EYA4: variants seen among roughly 807,000 people sequenced by gnomAD.
EYA4 encodes the protein protein phosphatase EYA4.
In EYA4, 31 loss-of-function variants were observed where a neutral mutation model predicts 87.9. The ratio of observed to expected loss-of-function variants is 0.35; its 90% CI spans 0.27 to 0.48. The LOEUF (loss-of-function observed/expected upper bound fraction) is 0.48. EYA4 is among the 20% of genes least tolerant of loss of function. The probability of loss-of-function intolerance (pLI) is 0.99; values close to 1 mark genes in which losing one functional copy is unlikely to be tolerated. For missense variants in EYA4, 678 were observed against 761.4 expected, an observed-to-expected ratio of 0.89 and a Z score of 1.29; for synonymous variants, 263 against 270.6, an observed-to-expected ratio of 0.97 and a Z score of 0.28.
intron 3 of EYA4, among the ~76,000 whole-genome samples, chr6:133,422,009 A>C (rs1013736239): frequency 6.6e-6 from 1 of 152,204 alleles, no homozygotes; most frequent in Non-Finnish European, 1.5e-5. Context: ...AAGTTTTAGT[A>C]TCAGTGCTTT....
chr6:133,463,164 T>C (rs374943967), intron 9 of EYA4, among the ~76,000 whole-genome samples: 1 of 152,084 alleles, frequency 6.6e-6, no homozygotes, highest in African/African-American at 2.4e-5. Flanking sequence ...TTGAATTAAC[T>C]CTTTTCTAAG....
At chr6:133,287,752 T>C (rs1439712795) in intron 2 of EYA4, among the ~76,000 whole-genome samples, 1 of 152,194 alleles carries the variant, frequency 6.6e-6, no homozygotes, top group Non-Finnish European at 1.5e-5. Flanking sequence ...ATTAACCAGA[T>C]GGTAGGGAGA....
At chr6:133,382,619 AG>A (rs1786321729) in intron 3 of EYA4, among the ~76,000 whole-genome samples, 178 bp downstream of exon 3, 1 of 152,168 alleles carries the variant, frequency 6.6e-6, no homozygotes, top group South Asian at 2.1e-4. Flanking sequence ...TATTAGTCAA[AG>A]GGACTGTGAT....
intron 1 of EYA4, among the ~76,000 whole-genome samples, chr6:133,269,075 A>G (rs765547426): frequency 9.9e-5 from 15 of 152,130 alleles, no homozygotes; most frequent in African/African-American, 3.6e-4. Flanking sequence ...CCTGGCCAAC[A>G]TGGTGAGACC....
rs968945280 is a variant in EYA4, at chr6:133,525,683, A to G, written c.1839+429A>G. 1.8e-4 allele frequency among the ~76,000 whole-genome samples: 27 copies of G among 152,206 alleles called. 1 individual carries two copies. Among genetic ancestry groups the G allele is most frequent in the African/African-American group, 6.5e-4 (27 of 41,460 alleles). On this transcript the variant is annotated intron_variant, in intron 19 of 19. Coordinates refer to ENST00000355286, the MANE Select transcript of EYA4 (RefSeq NM_004100.5). ...TTAAGCACATGAAATTTAGCAAGAT[A>G]GAGATTAATGAGCTCCATACAAAAG...
chr6:133,385,351 TA>T (rs778274313), intron 3 of EYA4, among the ~76,000 whole-genome samples: 1,274 of 116,450 alleles, frequency 0.011, 45 homozygotes, highest in Middle Eastern at 0.015. Context: ...CATATATATA[TA>T]TTTTTTCTCT....
At chr6:133,441,983 CAG>C (rs1023775209) in intron 3 of EYA4, among the ~76,000 whole-genome samples, 4 of 151,030 alleles carry the variant, frequency 2.6e-5, no homozygotes, top group Admixed American at 2.6e-4. Context: ...CCATATATGA[CAG>C]ATGTATATAT....
intron 1 of EYA4, among the ~76,000 whole-genome samples, chr6:133,273,895 T>C (rs1776943577): frequency 6.6e-6 from 1 of 151,620 alleles, no homozygotes; most frequent in African/African-American, 2.4e-5. Context: ...TTAATTTTCA[T>C]TGTGTGTGTG....
At chr6:133,371,365 C>T (rs915163871) in intron 2 of EYA4, among the ~76,000 whole-genome samples, 3 of 152,134 alleles carry the variant, frequency 2.0e-5, no homozygotes, top group African/African-American at 7.2e-5. Flanking sequence ...TCCAGTTTCC[C>T]ACTTCTTTTC....
intron 2 of EYA4, among the ~76,000 whole-genome samples, chr6:133,304,843 G>A (rs189184927): frequency 5.8e-4 from 88 of 152,226 alleles, no homozygotes; most frequent in African/African-American, 1.6e-3. Flanking sequence ...AGCACTAAAC[G>A]TGAGATAAAT....
chr6:133,349,319 T>C (rs989409681), intron 2 of EYA4, among the ~76,000 whole-genome samples: 3 of 152,326 alleles, frequency 2.0e-5, no homozygotes, highest in Admixed American at 6.5e-5. Context: ...AAATTTTAGT[T>C]TTTTTGTTTT....
At chr6:133,326,122 C>A (rs116205563) in intron 2 of EYA4, among the ~76,000 whole-genome samples, 421 of 152,288 alleles carry the variant, frequency 2.8e-3, no homozygotes, top group African/African-American at 9.7e-3. Flanking sequence ...TCCTGTTCCT[C>A]ACATATGGAG....
chr6:133,296,566 G>C (rs1266897476), intron 2 of EYA4, among the ~76,000 whole-genome samples: 3 of 152,172 alleles, frequency 2.0e-5, no homozygotes. Context: ...GCTGATGGTG[G>C]ATGTGGGGTC....
chr6:133,369,959 C>T (rs1486821357), intron 2 of EYA4, among the ~76,000 whole-genome samples: 1 of 152,068 alleles, frequency 6.6e-6, no homozygotes, highest in Non-Finnish European at 1.5e-5. Context: ...GACATCAAGT[C>T]ATCTTACTAT....
chr6:133,496,190 G>T (rs1797633240), intron 13 of EYA4, among the ~76,000 whole-genome samples: 1 of 152,132 alleles, frequency 6.6e-6, no homozygotes, highest in East Asian at 1.9e-4. Context: ...CATTATTTCT[G>T]GGAGGGGGGA....
At chr6:133,256,786 T>C (rs1178134330) in intron 1 of EYA4, among the ~76,000 whole-genome samples, 1 of 152,080 alleles carries the variant, frequency 6.6e-6, no homozygotes, top group Non-Finnish European at 1.5e-5. Flanking sequence ...TGTTGTTCGA[T>C]TTTTATATGT....
rs903136659 is a variant in EYA4, at chr6:133,466,121, G to A, written c.804+1263G>A. ...GCTCTTTAGAAGGATTCAGTCCTCC[G>A]AAAGAAACAAATATGAAAATAAGAT... is the stretch of plus-strand genomic sequence containing the variant. On this transcript the variant is annotated intron_variant, in intron 10 of 19. Transcript: ENST00000355286. Among the ~76,000 whole-genome samples, 17 of 152,010 alleles carry A rather than the reference G, an allele frequency of 1.1e-4. 1 individual carries two copies. The highest frequency in any genetic ancestry group is 5.3e-4 in the Admixed American group (8 of 15,226).
chr6:133,475,267 A>G (rs147597271), intron 11 of EYA4, among the ~76,000 whole-genome samples: 33 of 152,210 alleles, frequency 2.2e-4, no homozygotes, highest in African/African-American at 7.7e-4. Flanking sequence ...TGGGTATATC[A>G]GATTTTTTAT....
intron 1 of EYA4, among the ~76,000 whole-genome samples, chr6:133,250,635 C>A (rs908166272): frequency 6.6e-6 from 1 of 151,928 alleles, no homozygotes; most frequent in Non-Finnish European, 1.5e-5. Flanking sequence ...GAGTGAGACT[C>A]CATCTCAAAA....
Sources: allele counts gnomAD v4.1 joint callset (sites outside exome capture counted in the v4.1 genomes callset), GRCh38; gene constraint gnomAD v4.1.1; transcripts MANE v1.5; gene names NCBI Gene and HGNC (gene_info 2026-07-23, HGNC 2026-07-21).